KL: variants seen among roughly 807,000 people sequenced by gnomAD.
KL encodes klotho, also known as alpha-klotho.
In KL, 62 loss-of-function variants were observed where a neutral mutation model predicts 84.2. The ratio of observed to expected loss-of-function variants is 0.74; its 90% CI spans 0.60 to 0.91. The LOEUF (loss-of-function observed/expected upper bound fraction) is 0.91, where lower values mean the gene tolerates loss of function less well. Ranked by LOEUF, KL falls within the 40% of genes least tolerant of loss-of-function variation. The pLI is 0.00. For synonymous variants in KL, 528 were observed against 528.0 expected, an observed-to-expected ratio of 1.00 and a Z score of 0.00; for missense variants, 1,261 against 1,305.7, an observed-to-expected ratio of 0.97 and a Z score of 0.53.
intron 1 of KL, among the ~76,000 whole-genome samples, chr13:33,030,578 G>A (rs1870938494): frequency 6.6e-6 from 1 of 152,136 alleles, no homozygotes; most frequent in African/African-American, 2.4e-5. Context: ...TGATGAATTT[G>A]GAATGGCATG....
intron 1 of KL, among the ~76,000 whole-genome samples, chr13:33,037,057 T>C (rs1871165861): frequency 6.6e-6 from 1 of 152,224 alleles, no homozygotes; most frequent in Admixed American, 6.5e-5. Context: ...CTGAATATAC[T>C]AATGTTTGAG....
intron 1 of KL, among the ~76,000 whole-genome samples, chr13:33,035,456 T>G (rs1444310611): frequency 6.6e-6 from 1 of 152,208 alleles, no homozygotes; most frequent in African/African-American, 2.4e-5. Context: ...AGCTCTTTCA[T>G]GAGGGTATTG....
chr13:33,055,504 C>T, intron 3 of KL, 189 bp downstream of exon 3: 1 of 678,940 alleles, frequency 1.5e-6, no homozygotes, highest in African/African-American at 1.8e-5. Context: ...CAATCTTCAT[C>T]TTGTTTAAGT....
intron 4 of KL, 78 bp downstream of exon 4, chr13:33,061,858 C>A: frequency 7.0e-7 from 1 of 1,427,722 alleles, no homozygotes; most frequent in Non-Finnish European, 9.8e-7. Context: ...TCTCCAACAT[C>A]AACACACACT....
chr13:33,047,795 A>AT (rs1301385914), intron 1 of KL, among the ~76,000 whole-genome samples: 1 of 151,658 alleles, frequency 6.6e-6, no homozygotes, highest in Non-Finnish European at 1.5e-5. Context: ...GAAAAATCAG[A>AT]TTTTTTGGTA....
chr13:33,056,450 C>A (rs995042601), intron 3 of KL, among the ~76,000 whole-genome samples: 3 of 152,050 alleles, frequency 2.0e-5, no homozygotes, highest in African/African-American at 4.8e-5. Flanking sequence ...TGGGATTATT[C>A]TTCTTTTTCA....
In KL at chr13:33,064,285, A is replaced by T. The variant is rs974251292; in HGVS notation, c.*99A>T. 1 of 949,758 alleles carries T rather than the reference A, an allele frequency of 1.1e-6. No homozygotes were observed. Among genetic ancestry groups the T allele is most frequent in the Admixed American group, 2.4e-5 (1 of 41,000 alleles). 58.8% of individuals were successfully genotyped at this position (949,758 alleles called of 1,614,324 possible). A position where few individuals can be genotyped will look rare whatever the true frequency, so the allele number is the denominator to read the frequency against. On this transcript the variant is annotated 3_prime_UTR_variant, in exon 5 of 5. Coordinates refer to ENST00000380099, the MANE Select transcript of KL (RefSeq NM_004795.4). Reference sequence around the variant, plus strand: ...TAAGTGTTGTGAAACTGTAAATTTCATACATTTGACTTCTAGAAAACATTT... The same window carrying T: ...TAAGTGTTGTGAAACTGTAAATTTCTTACATTTGACTTCTAGAAAACATTT...
At chr13:33,034,167 C>A (rs1271645538) in intron 1 of KL, among the ~76,000 whole-genome samples, 6 of 152,128 alleles carry the variant, frequency 3.9e-5, no homozygotes, top group Non-Finnish European at 7.4e-5. Context: ...AAAATATAAT[C>A]TTTGGAGATT....
At chr13:33,025,536 T>C (rs1870741943) in intron 1 of KL, among the ~76,000 whole-genome samples, 2 of 152,150 alleles carry the variant, frequency 1.3e-5, no homozygotes, top group South Asian at 4.1e-4. Context: ...TGAGACAGTG[T>C]GGCCATTCCC....
chr13:33,056,010 T>G (rs1871943338), intron 3 of KL, among the ~76,000 whole-genome samples: 1 of 152,178 alleles, frequency 6.6e-6, no homozygotes, highest in Non-Finnish European at 1.5e-5. Flanking sequence ...AAGCCTTGTG[T>G]TAGTTGCTCG....
At chr13:33,026,639 C>T (rs1870789277) in intron 1 of KL, among the ~76,000 whole-genome samples, 1 of 152,214 alleles carries the variant, frequency 6.6e-6, no homozygotes, top group South Asian at 2.1e-4. Flanking sequence ...GCACCACTCA[C>T]TATCTGGCCT....
intron 1 of KL, among the ~76,000 whole-genome samples, chr13:33,040,879 T>C (rs1391158235): frequency 6.6e-6 from 1 of 152,176 alleles, no homozygotes; most frequent in Non-Finnish European, 1.5e-5. Flanking sequence ...AGTTCCTTGA[T>C]TCCTCTTCCC....
chr13:33,024,431 CCT>C (rs1035358886), intron 1 of KL, among the ~76,000 whole-genome samples: 4 of 152,210 alleles, frequency 2.6e-5, no homozygotes, highest in African/African-American at 9.6e-5. Flanking sequence ...GTGGGACCTG[CCT>C]CTGTCTCATC....
intron 1 of KL, among the ~76,000 whole-genome samples, chr13:33,040,874 C>A (rs1311934062): frequency 6.6e-6 from 1 of 152,072 alleles, no homozygotes; most frequent in Non-Finnish European, 1.5e-5. Flanking sequence ...CTTTGAGTTC[C>A]TTGATTCCTC....
chr13:33,061,004 C>A lies in KL; in HGVS notation c.1925C>A (p.Ala642Asp), dbSNP rs1339677920. The A allele has an allele frequency of 1.9e-6, 3 of 1,612,776 alleles. No homozygotes were observed. The highest frequency in any genetic ancestry group is 4.5e-5 in the East Asian group (2 of 44,852). ...TPVVALWQPM[A>D]PNQGLPRLLA... ...GTGGTGGCCCTGTGGCAGCCTATGG[C>A]CCCGAACCAAGGACTGCCGCGCCTC... The change falls in exon 4 of 5, where the codon GCC (alanine) becomes GAC (aspartate). Residue 642 changes from alanine (A) to aspartate (D), a missense_variant. By Grantham distance (126) the Ala-to-Asp change is moderately radical. Transcript: ENST00000380099.
intron 1 of KL, among the ~76,000 whole-genome samples, chr13:33,038,124 C>A (rs1871207187): frequency 6.6e-6 from 1 of 152,206 alleles, no homozygotes; most frequent in African/African-American, 2.4e-5. Context: ...TATGACTGAT[C>A]ATCACTGTCT....
At chr13:33,019,732 T>TGAGAGAGAGAGAGAGAGA (rs59216104) in intron 1 of KL, among the ~76,000 whole-genome samples, 2 of 133,366 alleles carry the variant, frequency 1.5e-5, no homozygotes, top group Admixed American at 7.6e-5. Flanking sequence ...TGTGTGTGTG[T>TGAGAGAGAGAGAGAGAGA]GAGAGAGAGA....
At chr13:33,021,792 G>C (rs1392320374) in intron 1 of KL, among the ~76,000 whole-genome samples, 1 of 152,190 alleles carries the variant, frequency 6.6e-6, no homozygotes, top group African/African-American at 2.4e-5. Flanking sequence ...GCTGAGGCAG[G>C]AGAATCGTTT....
rs138723796 is a variant in KL at position 33,061,119 on chromosome 13, C to G, written c.2040C>G (p.His680Gln). The G allele has an allele frequency of 6.2e-7, 1 of 1,614,072 alleles. No individual in the cohort carries two copies. The highest frequency in any genetic ancestry group is 2.2e-5 in the East Asian group (1 of 44,884). Reference sequence around the variant, plus strand: ...TGTGCTTTCAAGAGCTCGGCCATCACGTCAAGCTTTGGATAACGATGAATG... The same window carrying G: ...TGTGCTTTCAAGAGCTCGGCCATCAGGTCAAGCTTTGGATAACGATGAATG... ...ARLCFQELGH[H>Q]VKLWITMNEP... is the part of the protein sequence containing the mutation. The change falls in exon 4 of 5, where the codon CAC becomes CAG. Residue 680 changes from histidine to glutamine, a missense_variant. His to Gln is a conservative substitution (Grantham distance 24, BLOSUM62 0). Coordinates refer to ENST00000380099, the MANE Select transcript of KL (RefSeq NM_004795.4).
Sources: gnomAD v4.1 joint callset for allele counts (sites outside exome capture counted in the v4.1 genomes callset) on GRCh38, gnomAD v4.1.1 for gene constraint, MANE v1.5 for transcripts, NCBI Gene and HGNC (gene_info 2026-07-23, HGNC 2026-07-21) for gene names.